The following TRAPPC9 variants were observed in gnomAD, a reference collection of about 807,000 sequenced individuals.
The protein encoded by TRAPPC9 is trafficking protein particle complex subunit 9.
TRAPPC9 carries 83 observed loss-of-function variants against 124.0 expected under a neutral mutation model. The ratio of observed to expected loss-of-function variants is 0.67; its 90% confidence interval spans 0.56 to 0.80. TRAPPC9 has a LOEUF of 0.80. Among genes scored for constraint, TRAPPC9 ranks in the 30% least tolerant of loss-of-function variants. TRAPPC9 has a pLI of 0.00. For synonymous variants in TRAPPC9, 638 were observed against 617.5 expected (o/e 1.03, Z -0.49); for missense variants, 1,302 against 1,508.3 (o/e 0.86, Z 2.27).
chr8:140,167,703 G>A (rs186261392), intron 17 of TRAPPC9, among the ~76,000 whole-genome samples: 1 of 152,202 alleles, frequency 6.6e-6, no homozygotes, highest in Non-Finnish European at 1.5e-5. Context: ...CTGATGATGA[G>A]TTTTAAGCTC....
At chr8:139,817,201 T>G (rs905348943) in intron 21 of TRAPPC9, among the ~76,000 whole-genome samples, 3 of 152,126 alleles carry the variant, frequency 2.0e-5, no homozygotes, top group Non-Finnish European at 4.4e-5. Flanking sequence ...GCGCCCCATC[T>G]GGAGTTAAGT....
At chr8:139,964,489 A>G (rs1835569373) in intron 19 of TRAPPC9, among the ~76,000 whole-genome samples, 1 of 151,946 alleles carries the variant, frequency 6.6e-6, no homozygotes, top group South Asian at 2.1e-4. Context: ...GCCAAGTTCT[A>G]CTCGAGGCTC....
At chr8:139,837,640 C>T (rs544199664) in intron 21 of TRAPPC9, among the ~76,000 whole-genome samples, 2 of 152,306 alleles carry the variant, frequency 1.3e-5, no homozygotes, top group South Asian at 2.1e-4. Context: ...CAGCCCAAGG[C>T]GTTTCTGAGC....
chr8:140,052,211 AAAC>A (rs58435328), intron 17 of TRAPPC9, among the ~76,000 whole-genome samples: 14,549 of 151,632 alleles, frequency 0.096, 1,446 homozygotes, highest in African/African-American at 0.25. Context: ...GTATTCTCCA[AAAC>A]AACAACAACA....
chr8:140,374,727 G>A (rs1290063913), intron 7 of TRAPPC9, among the ~76,000 whole-genome samples: 4 of 152,172 alleles, frequency 2.6e-5, no homozygotes, highest in Non-Finnish European at 4.4e-5. Flanking sequence ...CAGAGAAGAC[G>A]AATACTGATC....
chr8:140,047,096 C>T (rs1841649297), intron 17 of TRAPPC9, among the ~76,000 whole-genome samples: 1 of 152,218 alleles, frequency 6.6e-6, no homozygotes, highest in Non-Finnish European at 1.5e-5. Context: ...GAGATTCTAG[C>T]CCAACCCTGC....
Position 139,830,604 on chromosome 8 carries a change from T to C in TRAPPC9, c.3055+55275A>G, listed in dbSNP as rs541188504. Among the ~76,000 whole-genome samples, 213 of 147,584 alleles carry C rather than the reference T, an allele frequency of 1.4e-3. No individual in the cohort carries two copies. In the South Asian group the frequency reaches 0.016, roughly 11 times the overall value. On this transcript the variant is annotated intron_variant, in intron 21 of 22. Transcript: ENST00000438773. Reference sequence around the variant, plus strand: ...CATACACATGCACACACCACACGCATACACCACACGCATACACACACATGC... The same window carrying C: ...CATACACATGCACACACCACACGCACACACCACACGCATACACACACATGC...
chr8:140,370,339 A>G (rs2068245572), intron 8 of TRAPPC9, among the ~76,000 whole-genome samples: 2 of 152,002 alleles, frequency 1.3e-5, no homozygotes, highest in African/African-American at 4.8e-5. Context: ...GTGTTTCACC[A>G]TGTTGGCCAG....
intron 14 of TRAPPC9, among the ~76,000 whole-genome samples, chr8:140,276,036 GGTCTTTGTGT>G (rs1238014125): frequency 6.6e-6 from 1 of 152,118 alleles, no homozygotes; most frequent in African/African-American, 2.4e-5. Context: ...GACACGTCCA[GGTCTTTGTGT>G]GTCATAAACA....
Position 139,757,717 on chromosome 8 carries a change from A to G in TRAPPC9, c.3056-25515T>C, listed in dbSNP as rs543545957. Among the ~76,000 whole-genome samples, 11 of 152,146 alleles carry G rather than the reference A, an allele frequency of 7.2e-5. No individual in the cohort carries two copies. In the South Asian group the frequency reaches 1.7e-3, roughly 23 times the overall value. On this transcript the variant is annotated intron_variant, in intron 21 of 22. Coordinates refer to ENST00000438773, the MANE Select transcript of TRAPPC9 (RefSeq NM_001160372.4). Reference sequence around the variant, plus strand: ...TGACGCCACTGGCCAGGCCTGTCTCATTCTTGAGGCCTGGTCTCTTGGGGC... The same window carrying G: ...TGACGCCACTGGCCAGGCCTGTCTCGTTCTTGAGGCCTGGTCTCTTGGGGC...
At position 139,752,106 on chromosome 8, in the gene TRAPPC9, C is replaced by T. The variant is rs548262370; in HGVS notation, c.3056-19904G>A. Among the ~76,000 whole-genome samples, 12 of 150,204 alleles carry T rather than the reference C, an allele frequency of 8.0e-5. No homozygotes were observed. The East Asian group carries it at 1.2e-3, about 15-fold the overall frequency. On this transcript the variant is annotated intron_variant, in intron 21 of 22. Transcript: ENST00000438773. ...TCATCCACTCTACATCCATCCACTA[C>T]CACCTGTTCATCTACCATCCATCCA...
intron 19 of TRAPPC9, among the ~76,000 whole-genome samples, chr8:139,943,994 T>G (rs1005439345): frequency 6.6e-6 from 1 of 152,170 alleles, no homozygotes; most frequent in Non-Finnish European, 1.5e-5. Flanking sequence ...AACACATGTG[T>G]TCAAAGAAGT....
At chr8:140,142,081 G>T (rs549553597) in intron 17 of TRAPPC9, among the ~76,000 whole-genome samples, 1 of 152,152 alleles carries the variant, frequency 6.6e-6, no homozygotes, top group African/African-American at 2.4e-5. Context: ...CATTCATGCT[G>T]GGGCAGTCGA....
At chr8:140,152,053 C>T (rs1188969539) in intron 17 of TRAPPC9, among the ~76,000 whole-genome samples, 2 of 152,100 alleles carry the variant, frequency 1.3e-5, no homozygotes, top group East Asian at 3.9e-4. Context: ...GCTCTATGAC[C>T]TTGGGCTGGT....
At chr8:140,088,115 T>C (rs1470941568) in intron 17 of TRAPPC9, among the ~76,000 whole-genome samples, 1 of 152,268 alleles carries the variant, frequency 6.6e-6, no homozygotes, top group East Asian at 1.9e-4. Flanking sequence ...TTCTGGACCA[T>C]ATACTCATAT....
chr8:139,971,776 C>T (rs9644521), intron 19 of TRAPPC9, among the ~76,000 whole-genome samples: 7 of 125,352 alleles, frequency 5.6e-5, no homozygotes, highest in Admixed American at 2.5e-4. Flanking sequence ...TATATATATA[C>T]ACACACATAT....
At chr8:139,831,982 G>A (rs941855469) in intron 21 of TRAPPC9, among the ~76,000 whole-genome samples, 2 of 152,124 alleles carry the variant, frequency 1.3e-5, no homozygotes, top group East Asian at 1.9e-4. Flanking sequence ...TCTCCTCTCC[G>A]TGAAGTGTCC....
At chr8:140,041,860 T>A (rs2132033752) in intron 17 of TRAPPC9, among the ~76,000 whole-genome samples, 1 of 152,156 alleles carries the variant, frequency 6.6e-6, no homozygotes, top group East Asian at 1.9e-4. Context: ...TAATCCCAGC[T>A]ATTCAGGAGG....
At chr8:139,993,767 TA>T (rs1283862223) in intron 18 of TRAPPC9, among the ~76,000 whole-genome samples, 1 of 152,128 alleles carries the variant, frequency 6.6e-6, no homozygotes, top group East Asian at 1.9e-4. Context: ...AACTGCTGGG[TA>T]AATAAGTTGC....
Sources: gnomAD v4.1 joint callset for allele counts (sites outside exome capture counted in the v4.1 genomes callset) on GRCh38, gnomAD v4.1.1 for gene constraint, MANE v1.5 for transcripts, NCBI Gene and HGNC (gene_info 2026-07-23, HGNC 2026-07-21) for gene names.